XKR6: variants seen among roughly 807,000 people sequenced by gnomAD.
The protein encoded by XKR6 is XK related 6, also known as XK-related protein 6.
XKR6 carries 22 observed loss-of-function variants against 56.7 expected under a neutral mutation model. That is an observed-to-expected ratio of 0.39 (90% confidence interval 0.28 to 0.55). XKR6 has a LOEUF of 0.55. XKR6 is among the 20% of genes least tolerant of loss of function. The pLI is 0.66. For synonymous variants in XKR6, 524 were observed against 387.8 expected (o/e 1.35, Z -4.13); for missense variants, 852 against 889.0 (o/e 0.96, Z 0.53).
At chr8:11,113,794 T>A (rs183179293) in intron 1 of XKR6, 6 of 158,810 alleles carry the variant, frequency 3.8e-5, no homozygotes, top group African/African-American at 1.4e-4. Context: ...AAAGGTTTAA[T>A]TAGCATTTAT....
chr8:11,047,402 A>T (rs1799437383), intron 1 of XKR6, among the ~76,000 whole-genome samples: 1 of 152,228 alleles, frequency 6.6e-6, no homozygotes. Context: ...TGTGGCTTTC[A>T]TGGGCTTCAC....
At chr8:11,183,430 G>C (rs1803102363) in intron 1 of XKR6, among the ~76,000 whole-genome samples, 1 of 151,396 alleles carries the variant, frequency 6.6e-6, no homozygotes, top group Non-Finnish European at 1.5e-5. Flanking sequence ...CTCTTCCTTA[G>C]CCTCTCAAGT....
intron 1 of XKR6, among the ~76,000 whole-genome samples, chr8:10,962,965 C>A (rs761783292): frequency 6.6e-6 from 1 of 152,174 alleles, no homozygotes; most frequent in Non-Finnish European, 1.5e-5. Context: ...CCAGTTGTGG[C>A]CCCTTTTTGA....
In XKR6 at chr8:11,200,774, G is replaced by T; in HGVS notation, c.566C>A (p.Thr189Lys). Reference sequence around the variant, plus strand: ...CTCCACGGCGCCCAGCCCGCCGCCCGTGTAGTCCTGCACGAACCAGCGGAA... The same window carrying T: ...CTCCACGGCGCCCAGCCCGCCGCCCTTGTAGTCCTGCACGAACCAGCGGAA... Reference protein sequence around the residue: ...LSFRWFVQDYTGGGLGAVEGL... With the variant: ...LSFRWFVQDYKGGGLGAVEGL... Residue 189 changes from threonine to lysine, a missense_variant, in exon 1 of 3, where the codon ACG becomes AAG. Physicochemically the swap from Thr to Lys is moderately conservative, Grantham distance 78 (BLOSUM62 -1). Coordinates refer to ENST00000416569, the MANE Select transcript of XKR6 (RefSeq NM_173683.4). The surrounding 1 kb of genome is among the most constrained non-coding windows in gnomAD (Gnocchi z 6.4). 1 of 1,604,612 alleles carries T rather than the reference G, an allele frequency of 6.2e-7. No individual in the cohort carries two copies. The highest frequency in any genetic ancestry group is 8.5e-7 in the Non-Finnish European group (1 of 1,176,756).
intron 2 of XKR6, among the ~76,000 whole-genome samples, chr8:10,909,197 CTG>C (rs1800277264): frequency 6.9e-6 from 1 of 145,874 alleles, no homozygotes; most frequent in South Asian, 2.2e-4. Flanking sequence ...GGCCTGAGCT[CTG>C]TCTCTCTCTC....
chr8:11,114,741 G>A (rs867989421), intron 1 of XKR6, among the ~76,000 whole-genome samples: 82 of 122,418 alleles, frequency 6.7e-4, no homozygotes, highest in South Asian at 2.4e-3. Flanking sequence ...GTGTGTGTGT[G>A]TGTGTGTGTG....
At chr8:10,999,127 A>T in intron 1 of XKR6, among the ~76,000 whole-genome samples, 1 of 152,218 alleles carries the variant, frequency 6.6e-6, no homozygotes, top group East Asian at 1.9e-4. Flanking sequence ...TTTCAAATCC[A>T]TCAAGCATGC....
chr8:10,936,055 C>A (rs1422410366), intron 1 of XKR6, among the ~76,000 whole-genome samples: 1 of 150,424 alleles, frequency 6.6e-6, no homozygotes, highest in East Asian at 1.9e-4. Flanking sequence ...GTAGGTCACT[C>A]AGGACTTGCT....
At chr8:11,108,277 G>C (rs1252453804) in intron 1 of XKR6, 1 of 456,096 alleles carries the variant, frequency 2.2e-6, no homozygotes, top group Non-Finnish European at 4.4e-6. Context: ...TGTGAATCTT[G>C]ACCATTTTCC....
intron 1 of XKR6, chr8:11,124,712 G>C (rs1476299383): frequency 6.5e-6 from 1 of 152,764 alleles, no homozygotes; most frequent in Non-Finnish European, 1.5e-5. Context: ...AGCAGACAGA[G>C]ATGAGAAGTG....
intron 1 of XKR6, among the ~76,000 whole-genome samples, chr8:11,005,301 T>C (rs1302921549): frequency 1.3e-5 from 2 of 152,136 alleles, no homozygotes. Flanking sequence ...TGGACTATGG[T>C]TGACCTTGGG....
chr8:11,081,993 G>A lies in XKR6; in HGVS notation c.764+118583C>T, dbSNP rs145834351. The stretch of plus-strand genomic sequence containing the variant: ...GATGCTCTTGTCGGCCTACCCTCTC[G>A]CCTGAGACCTGGAAGGAAGTGCATG... On this transcript the variant is annotated intron_variant, in intron 1 of 2. Coordinates refer to ENST00000416569, the MANE Select transcript of XKR6 (RefSeq NM_173683.4). Among the ~76,000 whole-genome samples, 174 of 152,280 alleles carry A rather than the reference G, an allele frequency of 1.1e-3. 2 individuals are homozygous for A. The highest frequency in any genetic ancestry group is 2.4e-3 in the Admixed American group (36 of 15,292).
At chr8:11,084,782 C>T (rs1257518107) in intron 1 of XKR6, among the ~76,000 whole-genome samples, 1 of 152,144 alleles carries the variant, frequency 6.6e-6, no homozygotes, top group African/African-American at 2.4e-5. Context: ...CCATACTTTT[C>T]TATGTTGGAG....
chr8:11,088,664 T>A (rs545940676), intron 1 of XKR6, among the ~76,000 whole-genome samples: 1 of 152,276 alleles, frequency 6.6e-6, no homozygotes, highest in East Asian at 1.9e-4. Context: ...TAGATTCAAG[T>A]GATGAGGATT....
At chr8:10,973,596 T>TC (rs1307513512) in intron 1 of XKR6, among the ~76,000 whole-genome samples, 28 of 152,342 alleles carry the variant, frequency 1.8e-4, no homozygotes, top group South Asian at 8.3e-4. Context: ...TCTTTCTTTT[T>TC]CTTTTTTTTA....
At chr8:11,001,141 G>A (rs767793798) in intron 1 of XKR6, among the ~76,000 whole-genome samples, 1 of 152,224 alleles carries the variant, frequency 6.6e-6, no homozygotes, top group Non-Finnish European at 1.5e-5. Flanking sequence ...GGTTGAACAC[G>A]TGCTATGTGT....
At chr8:11,196,632 C>G (rs1215973307) in intron 1 of XKR6, among the ~76,000 whole-genome samples, 2 of 152,208 alleles carry the variant, frequency 1.3e-5, no homozygotes, top group Non-Finnish European at 2.9e-5. Flanking sequence ...ATTAAGAACA[C>G]AAATCTAATA....
At chr8:11,160,911 C>CAAAAAAAAAAAAAAAAAAAAAAA (rs33931830) in intron 1 of XKR6, among the ~76,000 whole-genome samples, 7 of 63,766 alleles carry the variant, frequency 1.1e-4, no homozygotes, top group East Asian at 6.4e-4. Context: ...GACTCCGTCT[C>CAAAAAAAAAAAAAAAAAAAAAAA]AAAAAAAAAA....
chr8:10,939,477 G>T (rs998596692), intron 1 of XKR6, among the ~76,000 whole-genome samples: 7 of 152,204 alleles, frequency 4.6e-5, no homozygotes, highest in African/African-American at 7.2e-5. Context: ...AGGCCCCTGG[G>T]GACAAGCCAG....
Sources: gnomAD v4.1 joint callset for allele counts (sites outside exome capture counted in the v4.1 genomes callset) on GRCh38, gnomAD v4.1.1 for gene constraint, Gnocchi (gnomAD v3.1) non-coding constraint, MANE v1.5 for transcripts, NCBI Gene and HGNC (gene_info 2026-07-23, HGNC 2026-07-21) for gene names.